Variants in SOCS2 observed in about 807,000 individuals in gnomAD.
SOCS2 encodes the protein suppressor of cytokine signaling 2.
SOCS2 carries 10 observed loss-of-function variants against 18.6 expected under a neutral mutation model. The observed-to-expected ratio is 0.54, with a 90% confidence interval of 0.33 to 0.91. The LOEUF is 0.91. SOCS2 is among the 40% of genes least tolerant of loss of function. The probability of loss-of-function intolerance (pLI) is 0.02; values close to 1 mark genes in which losing one functional copy is unlikely to be tolerated. For missense variants in SOCS2, 231 were observed against 247.2 expected, an observed-to-expected ratio of 0.93 and a Z score of 0.44; for synonymous variants, 104 against 104.0, an observed-to-expected ratio of 1.00 and a Z score of 0.00.
chr12:93,619,989 T>G, the SOCS2 span, among the ~76,000 whole-genome samples: 1 of 152,260 alleles, frequency 6.6e-6, no homozygotes, highest in Admixed American at 6.5e-5. Flanking sequence ...TCTAATTATT[T>G]GAGAGCTTCT....
downstream of SOCS2, among the ~76,000 whole-genome samples, chr12:93,578,299 G>A (rs1954493797): frequency 6.6e-6 from 1 of 152,154 alleles, no homozygotes; most frequent in Non-Finnish European, 1.5e-5. Context: ...GATTTTCTCT[G>A]CTTTTAGAAA....
downstream of SOCS2, among the ~76,000 whole-genome samples, chr12:93,579,584 C>T (rs568474990): frequency 4.3e-4 from 65 of 152,248 alleles, 1 homozygote; most frequent in Middle Eastern, 0.017. Context: ...TAAGTAAGAA[C>T]GATTCTGTGA....
chr12:93,586,763 T>C (rs1434364847), downstream of SOCS2, among the ~76,000 whole-genome samples: 1 of 137,026 alleles, frequency 7.3e-6, no homozygotes, highest in South Asian at 2.1e-4. Flanking sequence ...ATTTATTTCC[T>C]TCATTTAGTT....
the SOCS2 span, among the ~76,000 whole-genome samples, chr12:93,619,044 G>A: frequency 6.6e-6 from 1 of 152,188 alleles, no homozygotes; most frequent in Admixed American, 6.5e-5. Context: ...AGAAACGTGG[G>A]CAGGGTTAAG....
downstream of SOCS2, among the ~76,000 whole-genome samples, chr12:93,577,732 T>A (rs550679069): frequency 6.6e-6 from 1 of 152,170 alleles, no homozygotes; most frequent in East Asian, 1.9e-4. Flanking sequence ...GTGGTTTTTT[T>A]CCCCTGAACA....
chr12:93,586,085 G>C (rs1302683803), downstream of SOCS2, among the ~76,000 whole-genome samples: 2 of 151,832 alleles, frequency 1.3e-5, no homozygotes, highest in Non-Finnish European at 2.9e-5. Context: ...TTCTGTGGTT[G>C]GTTGGATCCG....
intron 1 of SOCS2, chr12:93,573,768 C>A (rs1954354537): frequency 6.6e-6 from 1 of 152,194 alleles, no homozygotes. Context: ...GGGAAAAGTT[C>A]TCTCGCTTGC....
Position 93,575,401 on chromosome 12 carries a change from A to C in SOCS2, c.*222A>C. 6.2e-6 allele frequency: 2 copies of C among 324,126 alleles called. 1 individual carries two copies. Among genetic ancestry groups the C allele is most frequent in the South Asian group, 1.8e-4 (2 of 10,844 alleles). 20.1% of individuals were successfully genotyped at this position (324,126 alleles called of 1,614,324 possible). A position where few individuals can be genotyped will look rare whatever the true frequency, so the allele number is the denominator to read the frequency against. Reference sequence around the variant, plus strand: ...GATGCTTCCCTTCCTAAGGCTGACCAAGACCTGTTGATCCTTTTAGATTAA... The same window carrying C: ...GATGCTTCCCTTCCTAAGGCTGACCCAGACCTGTTGATCCTTTTAGATTAA... On this transcript the variant is annotated 3_prime_UTR_variant, in exon 2 of 2. Transcript: ENST00000551556.
chr12:93,570,015 G>T (rs1954190511), upstream of SOCS2: 1 of 152,196 alleles, frequency 6.6e-6, no homozygotes, highest in Non-Finnish European at 1.5e-5. Context: ...CAGACAAGGA[G>T]ATGAGTTTCC....
upstream of SOCS2, chr12:93,571,627 C>G (rs528450032): frequency 4.4e-6 from 1 of 225,518 alleles, no homozygotes; most frequent in South Asian, 3.9e-5. Flanking sequence ...TGTCCCAGCC[C>G]GTAGGGGGCG....
chr12:93,614,123 C>T, the SOCS2 span, among the ~76,000 whole-genome samples: 2 of 151,696 alleles, frequency 1.3e-5, no homozygotes, highest in Non-Finnish European at 2.9e-5. Flanking sequence ...ACATGACAGA[C>T]TTGGAAGCCA....
the SOCS2 span, among the ~76,000 whole-genome samples, chr12:93,614,604 T>A: frequency 8.1e-6 from 1 of 123,422 alleles, no homozygotes; most frequent in Non-Finnish European, 1.6e-5. Context: ...TCTTTCTTTC[T>A]TTCTTTCTTT....
downstream of SOCS2, among the ~76,000 whole-genome samples, chr12:93,576,990 C>A (rs532303419): frequency 3.3e-5 from 5 of 152,334 alleles, no homozygotes; most frequent in Non-Finnish European, 7.4e-5. Context: ...CTCCCACTGA[C>A]AACACCTGTT....
the SOCS2 span, among the ~76,000 whole-genome samples, chr12:93,615,623 T>C: frequency 6.6e-6 from 1 of 152,180 alleles, no homozygotes; most frequent in African/African-American, 2.4e-5. Context: ...TGAGACAGAG[T>C]CTCGATCTGT....
chr12:93,591,776 G>T, the SOCS2 span, among the ~76,000 whole-genome samples: 1 of 152,194 alleles, frequency 6.6e-6, no homozygotes, highest in Non-Finnish European at 1.5e-5. Flanking sequence ...CACTTTGGAA[G>T]CGCACCAGAT....
At chr12:93,573,264 C>A (rs1011111599) in intron 1 of SOCS2, 9 of 603,232 alleles carry the variant, frequency 1.5e-5, no homozygotes, top group Admixed American at 1.2e-4. Context: ...GGAAGAGCTT[C>A]TTGGAAATAG....
chr12:93,611,395 G>A, the SOCS2 span, among the ~76,000 whole-genome samples: 549 of 152,030 alleles, frequency 3.6e-3, no homozygotes, highest in African/African-American at 0.013. Context: ...GTGCCACCAC[G>A]CCCGGCTAAT....
chr12:93,620,424 T>C, the SOCS2 span, among the ~76,000 whole-genome samples: 1 of 150,484 alleles, frequency 6.6e-6, no homozygotes, highest in African/African-American at 2.4e-5. Context: ...TTTTTTCTCT[T>C]TTTTTTTTGA....
chr12:93,592,840 C>T, the SOCS2 span, among the ~76,000 whole-genome samples: 55 of 150,720 alleles, frequency 3.6e-4, no homozygotes, highest in East Asian at 0.01. Context: ...AGCTATGGGA[C>T]AGGCACATGG....
Sources: allele counts gnomAD v4.1 joint callset (sites outside exome capture counted in the v4.1 genomes callset), GRCh38; gene constraint gnomAD v4.1.1; transcripts MANE v1.5; gene names NCBI Gene and HGNC (gene_info 2026-07-23, HGNC 2026-07-21).